Variants in BAIAP2L1 observed in about 807,000 individuals in gnomAD.
BAIAP2L1 encodes the protein BAR/IMD domain-containing adapter protein 2-like 1.
BAIAP2L1 carries 35 observed loss-of-function variants against 66.3 expected under a neutral mutation model. That is an observed-to-expected ratio of 0.53 (90% CI 0.40 to 0.70). BAIAP2L1 has a LOEUF of 0.70. BAIAP2L1 is among the 30% of genes least tolerant of loss of function. BAIAP2L1 has a pLI of 0.00. For synonymous variants in BAIAP2L1, 269 were observed against 248.7 expected (o/e 1.08, Z -0.77); for missense variants, 622 against 656.9 (o/e 0.95, Z 0.58).
In BAIAP2L1 at chr7:98,313,300, T is replaced by C. The variant is rs1176909147; in HGVS notation, c.640-1036A>G. ...CAGATACTCGAAGAAACTTCCAGCA[T>C]AGAAACGAGCAGATTTGGTCTGCGT... On this transcript the variant is annotated intron_variant, in intron 7 of 13. Transcript: ENST00000005260. Among the ~76,000 whole-genome samples, 6 of 152,210 alleles carry C rather than the reference T, an allele frequency of 3.9e-5. No homozygotes were observed. In the South Asian group the frequency reaches 8.3e-4, roughly 21 times the overall value.
intron 1 of BAIAP2L1, among the ~76,000 whole-genome samples, chr7:98,371,291 T>G (rs1332421883): frequency 6.6e-6 from 1 of 152,224 alleles, no homozygotes; most frequent in Non-Finnish European, 1.5e-5. Flanking sequence ...TTAACCAGAA[T>G]GAGTTTCATT....
intron 2 of BAIAP2L1, 104 bp from the exon 3 acceptor site, chr7:98,355,232 A>T (rs893970708): frequency 1.2e-6 from 1 of 814,198 alleles, no homozygotes; most frequent in African/African-American, 1.7e-5. Context: ...GGCTGCAGGA[A>T]GGTTTGGGCT....
chr7:98,381,039 G>T (rs1235212670), intron 1 of BAIAP2L1, among the ~76,000 whole-genome samples: 2 of 152,096 alleles, frequency 1.3e-5, no homozygotes, highest in Non-Finnish European at 2.9e-5. Context: ...CGCACCACTG[G>T]TCTGCAAAGC....
At chr7:98,311,555 TAAAAA>T (rs561706030) in intron 8 of BAIAP2L1, among the ~76,000 whole-genome samples, 1 of 139,850 alleles carries the variant, frequency 7.2e-6, no homozygotes. Context: ...ACAAAAAAAA[TAAAAA>T]AAAAACAGTA....
chr7:98,295,950 G>T (rs949929886), intron 12 of BAIAP2L1, among the ~76,000 whole-genome samples: 1 of 152,186 alleles, frequency 6.6e-6, no homozygotes, highest in Admixed American at 6.5e-5. Flanking sequence ...GTGCACGCAT[G>T]CCTGGGGCCC....
At chr7:98,298,408 C>T (rs1170824167) in intron 12 of BAIAP2L1, among the ~76,000 whole-genome samples, 1 of 152,166 alleles carries the variant, frequency 6.6e-6, no homozygotes, top group Non-Finnish European at 1.5e-5. Context: ...GTCAGGAGAT[C>T]GAGATCATCC....
intron 12 of BAIAP2L1, among the ~76,000 whole-genome samples, chr7:98,300,147 C>G (rs1185434865): frequency 6.6e-6 from 1 of 152,244 alleles, no homozygotes; most frequent in Non-Finnish European, 1.5e-5. Flanking sequence ...GGCTGCTGGA[C>G]TGGGCAGGGA....
At chr7:98,396,327 C>G (rs992721191) in intron 1 of BAIAP2L1, among the ~76,000 whole-genome samples, 3 of 152,134 alleles carry the variant, frequency 2.0e-5, no homozygotes, top group South Asian at 2.1e-4. Flanking sequence ...TCTTGACCCC[C>G]CAAAGTGCTG....
chr7:98,398,475 T>TA (rs34124383), intron 1 of BAIAP2L1, among the ~76,000 whole-genome samples: 56,045 of 145,006 alleles, frequency 0.39, 11,707 homozygotes, highest in Middle Eastern at 0.55. Context: ...ACCTGGACAT[T>TA]AAAAAAAAAA....
intron 1 of BAIAP2L1, among the ~76,000 whole-genome samples, chr7:98,399,289 A>G (rs764235572): frequency 6.6e-6 from 1 of 152,196 alleles, no homozygotes; most frequent in Non-Finnish European, 1.5e-5. Context: ...CCTGTAAGGC[A>G]TAATTTATAT....
intron 13 of BAIAP2L1, 62 bp from the exon 14 acceptor site, chr7:98,293,658 A>G: frequency 5.3e-6 from 8 of 1,511,234 alleles, no homozygotes; most frequent in Non-Finnish European, 7.4e-6. Context: ...GGATTTTAAC[A>G]GTGCTAATAA....
At chr7:98,375,742 C>CAAAAAAA (rs372282399) in intron 1 of BAIAP2L1, among the ~76,000 whole-genome samples, 3 of 59,024 alleles carry the variant, frequency 5.1e-5, no homozygotes, top group African/African-American at 7.2e-5. Flanking sequence ...AAGTCCATCT[C>CAAAAAAA]AAAAAAAAAA....
intron 1 of BAIAP2L1, among the ~76,000 whole-genome samples, chr7:98,372,733 G>GTTTTT (rs34330041): frequency 1.1e-4 from 10 of 93,762 alleles, no homozygotes; most frequent in Non-Finnish European, 1.2e-4. Flanking sequence ...ATCGATTTTG[G>GTTTTT]TTTTTTTTTT....
chr7:98,392,279 A>G (rs1234641310), intron 1 of BAIAP2L1, among the ~76,000 whole-genome samples: 1 of 151,332 alleles, frequency 6.6e-6, no homozygotes, highest in Non-Finnish European at 1.5e-5. Flanking sequence ...TGGGAGGCGG[A>G]GGTTGCAGTA....
chr7:98,369,285 C>T (rs1802456956), intron 1 of BAIAP2L1, among the ~76,000 whole-genome samples: 1 of 152,120 alleles, frequency 6.6e-6, no homozygotes, highest in South Asian at 2.1e-4. Context: ...GAATTCGAGA[C>T]TAGCCTGGGC....
chr7:98,370,960 C>T lies in BAIAP2L1; in HGVS notation c.52-8528G>A, dbSNP rs958811920. Among the ~76,000 whole-genome samples, 115 of 152,256 alleles carry T rather than the reference C, an allele frequency of 7.6e-4. 1 individual carries two copies. Among genetic ancestry groups the T allele is most frequent in the African/African-American group, 2.7e-3 (113 of 41,538 alleles). The stretch of plus-strand genomic sequence containing the variant: ...AAGTTTTATAGTAGTTGTGGACACA[C>T]TTGTGAATAGAAAGGGTCCCACATT... On this transcript the variant is annotated intron_variant, in intron 1 of 13. Transcript: ENST00000005260.
chr7:98,347,828 A>G (rs1275585296), intron 3 of BAIAP2L1, among the ~76,000 whole-genome samples: 1 of 152,114 alleles, frequency 6.6e-6, no homozygotes, highest in Non-Finnish European at 1.5e-5. Flanking sequence ...GGATGAGTTC[A>G]TGTCCTTTGC....
At chr7:98,350,440 G>T (rs1368301131) in intron 3 of BAIAP2L1, among the ~76,000 whole-genome samples, 1 of 151,976 alleles carries the variant, frequency 6.6e-6, no homozygotes, top group Admixed American at 6.5e-5. Flanking sequence ...GGCAGATCAC[G>T]AGGTCAAGAG....
At chr7:98,358,363 T>G (rs1169778492) in intron 2 of BAIAP2L1, among the ~76,000 whole-genome samples, 1 of 151,634 alleles carries the variant, frequency 6.6e-6, no homozygotes, top group Admixed American at 6.6e-5. Context: ...GTTTTTTGTT[T>G]TTTTTTTTTT....
Sources: allele counts gnomAD v4.1 joint callset (sites outside exome capture counted in the v4.1 genomes callset), GRCh38; gene constraint gnomAD v4.1.1; transcripts MANE v1.5; gene names NCBI Gene and HGNC (gene_info 2026-07-23, HGNC 2026-07-21).